Variants in ZNF827 observed in about 807,000 individuals in gnomAD.
ZNF827 encodes the protein zinc finger protein 827.
In ZNF827, 13 loss-of-function variants were observed where a neutral mutation model predicts 102.4. The ratio of observed to expected loss-of-function variants is 0.13; its 90% confidence interval spans 0.08 to 0.20. The LOEUF is 0.20. Ranked by LOEUF, ZNF827 falls within the 10% of genes least tolerant of loss-of-function variation. The probability of loss-of-function intolerance (pLI) is 1.00; values close to 1 mark genes in which losing one functional copy is unlikely to be tolerated. For missense variants in ZNF827, 1,103 were observed against 1,344.4 expected (o/e 0.82, Z 2.81); for synonymous variants, 523 against 536.2 (o/e 0.98, Z 0.34).
chr4:145,788,224 A>G (rs1739172749), intron 8 of ZNF827, among the ~76,000 whole-genome samples: 1 of 152,208 alleles, frequency 6.6e-6, no homozygotes, highest in South Asian at 2.1e-4. Flanking sequence ...TTTGTATCGT[A>G]AAGAACTGTG....
intron 10 of ZNF827, 87 bp downstream of exon 10, chr4:145,775,702 G>A (rs145013746): frequency 1.9e-5 from 29 of 1,500,788 alleles, no homozygotes; most frequent in East Asian, 4.5e-5. Context: ...AAGGGGCCTC[G>A]TGATGTATGC....
At position 145,765,446 on chromosome 4, in the gene ZNF827, A is replaced by G; in HGVS notation, c.3052+101T>C. On this transcript the variant is annotated intron_variant, in intron 12 of 14. Transcript: ENST00000508784. This position sits in a 1 kb window ranked among gnomAD's most constrained non-coding sequence, Gnocchi z 4.7. ...GCCCAGCATACTGCATCCTGGGCCT[A>G]TTATCAGTTTTTGACATCGCTCCTG... 7.3e-7 allele frequency: 1 copy of G among 1,376,206 alleles called. No homozygotes were observed. The highest frequency in any genetic ancestry group is 9.8e-7 in the Non-Finnish European group (1 of 1,017,522). 85.2% of individuals were successfully genotyped at this position (1,376,206 alleles called of 1,614,324 possible).
At chr4:145,876,062 C>T (rs1445569654) in intron 4 of ZNF827, among the ~76,000 whole-genome samples, 3 of 152,198 alleles carry the variant, frequency 2.0e-5, no homozygotes, top group Non-Finnish European at 2.9e-5. Context: ...CTCCCCCTCT[C>T]ATAGGAGAGC....
chr4:145,871,236 T>A (rs766853101), intron 4 of ZNF827, among the ~76,000 whole-genome samples: 1 of 152,234 alleles, frequency 6.6e-6, no homozygotes, highest in African/African-American at 2.4e-5. Context: ...TACATAACCA[T>A]GGTACATTTG....
chr4:145,906,770 G>A (rs991465338), intron 1 of ZNF827, among the ~76,000 whole-genome samples: 1 of 152,202 alleles, frequency 6.6e-6, no homozygotes, highest in Non-Finnish European at 1.5e-5. Flanking sequence ...TTCTTAAACA[G>A]AACTGTTTGT....
chr4:145,821,172 G>A lies in ZNF827; in HGVS notation c.2383+2250C>T, dbSNP rs1362236347. ...ACAAAATGTATAAATTTCACCCCTT[G>A]TTGTAATAAATAAAGACAATAAATA... is the stretch of plus-strand genomic sequence containing the variant. On this transcript the variant is annotated intron_variant, in intron 8 of 14. Transcript: ENST00000508784. 3.3e-5 allele frequency among the ~76,000 whole-genome samples: 5 copies of A among 152,210 alleles called. No homozygotes were observed. In the East Asian group the frequency reaches 9.6e-4, roughly 29 times the overall value.
Position 145,765,693 on chromosome 4 carries a change from G to C in ZNF827, c.2906C>G (p.Ser969Cys), listed in dbSNP as rs1560889112. ...TPSESNSPSS[S>C]SLSALSDSAN... is the part of the protein sequence containing the mutation. ...TGAATCACTCAGAGCTGAGAGGGAG[G>C]ATGAAGAGGGGCTATTTGATTCGCT... Residue 969 changes from serine (S) to cysteine (C), a missense_variant, in exon 12 of 15, where the codon TCC becomes TGC. Around this residue, in one of 5 missense-constraint regions of ZNF827, gnomAD observed 242 missense variants for 361.9 expected, o/e 0.67. Coordinates refer to ENST00000508784, the MANE Select transcript of ZNF827 (RefSeq NM_001306215.2). The surrounding 1 kb of genome is among the most constrained non-coding windows in gnomAD (Gnocchi z 4.7). 6.2e-7 allele frequency: 1 copy of C among 1,614,136 alleles called. No individual in the cohort carries two copies. The highest frequency in any genetic ancestry group is 2.2e-5 in the East Asian group (1 of 44,874).
chr4:145,885,603 A>T (rs1750036843), intron 4 of ZNF827, 75 bp downstream of exon 4: 2 of 1,450,094 alleles, frequency 1.4e-6, no homozygotes, highest in African/African-American at 3.5e-5. Context: ...ATACTGGTAG[A>T]CAGAGACAGA....
chr4:145,846,120 G>A (rs1745909784), intron 6 of ZNF827, 107 bp from the exon 7 acceptor site: 4 of 1,085,500 alleles, frequency 3.7e-6, no homozygotes, highest in South Asian at 2.9e-5. Context: ...TTTCCTTTGT[G>A]GTTTTCTTTT....
chr4:145,903,185 T>C lies in ZNF827; in HGVS notation c.74A>G (p.Glu25Gly), dbSNP rs766184851. 1 of 1,612,764 alleles carries C rather than the reference T, an allele frequency of 6.2e-7. No individual in the cohort carries two copies. Among genetic ancestry groups the C allele is most frequent in the Admixed American group, 1.7e-5 (1 of 60,000 alleles). ...ATACCAGTGTTCTCCTTCACTGAGC[T>C]CTCCCTCCGCCTCTTCCTGCCTACT... ...HVSRQEEAEG[E>G]LSEGEHWYGN... Residue 25 changes from glutamate (E) to glycine (G), a missense_variant, in exon 2 of 15, where the codon GAG becomes GGG. Glu to Gly is a moderately conservative substitution (Grantham distance 98, BLOSUM62 -2). Around this residue, in one of 5 missense-constraint regions of ZNF827, gnomAD observed 441 missense variants for 458.6 expected, o/e 0.96. Transcript: ENST00000508784.
intron 3 of ZNF827, among the ~76,000 whole-genome samples, chr4:145,889,982 T>C (rs935817936): frequency 7.0e-6 from 1 of 143,356 alleles, no homozygotes; most frequent in South Asian, 2.2e-4. Context: ...GTCTCAAAAA[T>C]TAAAAAAAAA....
Position 145,849,516 on chromosome 4 carries a change from G to A in ZNF827, c.2027C>T (p.Pro676Leu). The change falls in exon 6 of 15, where the codon CCC (proline) becomes CTC (leucine). Residue 676 changes from proline (P) to leucine (L), a missense_variant. Physicochemically the swap from Pro to Leu is moderately conservative, Grantham distance 98. This residue lies in a region of ZNF827 where 243 missense variants were observed against 251.6 expected (regional missense o/e 0.97). Coordinates refer to ENST00000508784, the MANE Select transcript of ZNF827 (RefSeq NM_001306215.2). ...GGAGTCCTGGATGTCAACCTCCATG[G>A]GTTCCTCTTTAATCTTCACCATCTG... ...ETQMVKIKEE[P>L]MEVDIQDSHV... The A allele has an allele frequency of 6.2e-7, 1 of 1,614,080 alleles. No homozygotes were observed. Among genetic ancestry groups the A allele is most frequent in the Non-Finnish European group, 8.5e-7 (1 of 1,180,008 alleles).
intron 7 of ZNF827, among the ~76,000 whole-genome samples, chr4:145,829,688 G>A (rs1744016688): frequency 1.3e-5 from 2 of 152,206 alleles, no homozygotes; most frequent in African/African-American, 2.4e-5. Context: ...GAGCCAACGT[G>A]TTCTTTCTCT....
In ZNF827 at chr4:145,849,507, A is replaced by G; in HGVS notation, c.2036T>C (p.Val679Ala). The change falls in exon 6 of 15, where the codon GTT becomes GCT. Residue 679 changes from valine to alanine, a missense_variant. This residue lies in a region of ZNF827 where 243 missense variants were observed against 251.6 expected (regional missense o/e 0.97). Transcript: ENST00000508784. ...CGAGACATGGGAGTCCTGGATGTCA[A>G]CCTCCATGGGTTCCTCTTTAATCTT... ...MVKIKEEPME[V>A]DIQDSHVSIS... The G allele has an allele frequency of 6.2e-7, 1 of 1,614,008 alleles. No homozygotes were observed. The highest frequency in any genetic ancestry group is 8.5e-7 in the Non-Finnish European group (1 of 1,180,002).
chr4:145,825,082 T>C (rs1743538063), intron 7 of ZNF827, among the ~76,000 whole-genome samples: 1 of 152,198 alleles, frequency 6.6e-6, no homozygotes, highest in South Asian at 2.1e-4. Context: ...ATATGTCGCT[T>C]TCTACCAAAC....
chr4:145,794,925 G>C (rs1312277037), intron 8 of ZNF827, among the ~76,000 whole-genome samples: 1 of 152,092 alleles, frequency 6.6e-6, no homozygotes, highest in African/African-American at 2.4e-5. Flanking sequence ...AAGCAGACTG[G>C]CACCTTTATT....
chr4:145,821,560 CA>C (rs947365318), intron 8 of ZNF827, among the ~76,000 whole-genome samples: 1 of 151,444 alleles, frequency 6.6e-6, no homozygotes, highest in Non-Finnish European at 1.5e-5. Flanking sequence ...CTTATTAAAA[CA>C]AAAAAAGTCT....
intron 5 of ZNF827, among the ~76,000 whole-genome samples, chr4:145,869,290 A>G (rs1407458978): frequency 6.6e-6 from 1 of 152,170 alleles, no homozygotes; most frequent in Non-Finnish European, 1.5e-5. Flanking sequence ...TTTCCAACCC[A>G]CTAGTCAACC....
At chr4:145,924,244 A>G (rs1753269694) in intron 1 of ZNF827, among the ~76,000 whole-genome samples, 2 of 152,234 alleles carry the variant, frequency 1.3e-5, no homozygotes, top group Non-Finnish European at 2.9e-5. Flanking sequence ...AACAATAAAC[A>G]GAGAATTTAG....
Sources: gnomAD v4.1 joint callset for allele counts (sites outside exome capture counted in the v4.1 genomes callset) on GRCh38, gnomAD v4.1.1 for gene constraint, gnomAD v4.1.1 regional missense constraint, Gnocchi (gnomAD v3.1) non-coding constraint, MANE v1.5 for transcripts, NCBI Gene and HGNC (gene_info 2026-07-23, HGNC 2026-07-21) for gene names.